SLC28A1: variants seen among roughly 807,000 people sequenced by gnomAD.
SLC28A1 encodes the protein solute carrier family 28 member 1.
A neutral mutation model predicts 74.8 loss-of-function variants in SLC28A1; 64 were observed. That is an observed-to-expected ratio of 0.86 (90% CI 0.70 to 1.05). The LOEUF (loss-of-function observed/expected upper bound fraction) is 1.05. Ranked by LOEUF, SLC28A1 falls within the 50% of genes least tolerant of loss-of-function variation. The pLI is 0.00. For synonymous variants in SLC28A1, 359 were observed against 335.0 expected, an observed-to-expected ratio of 1.07 and a Z score of -0.78; for missense variants, 828 against 822.8, an observed-to-expected ratio of 1.01 and a Z score of -0.08.
rs1239458976 is a variant in SLC28A1 at position 84,936,095 on chromosome 15, A to G, written c.1581+577A>G. On this transcript the variant is annotated intron_variant, in intron 15 of 18. Transcript: ENST00000394573. Reference sequence around the variant, plus strand: ...TCAGCCTCTCCAAGTAGCTGGGACTACAGGCGCCCACCACCGCGCCCGGCT... The same window carrying G: ...TCAGCCTCTCCAAGTAGCTGGGACTGCAGGCGCCCACCACCGCGCCCGGCT... Among the ~76,000 whole-genome samples the G allele has an allele frequency of 2.0e-5, 3 of 149,070 alleles. No individual in the cohort carries two copies. The East Asian group carries it at 5.9e-4, about 29-fold the overall frequency.
chr15:84,969,377 C>T, the SLC28A1 span, among the ~76,000 whole-genome samples: 1,243 of 152,334 alleles, frequency 8.2e-3, 18 homozygotes, highest in African/African-American at 0.028. Flanking sequence ...AGCCTTCACG[C>T]TGAAGAAGGA....
At chr15:84,930,568 C>G (rs1481924721) in intron 12 of SLC28A1, among the ~76,000 whole-genome samples, 1 of 151,396 alleles carries the variant, frequency 6.6e-6, no homozygotes, top group Non-Finnish European at 1.5e-5. Context: ...GCAGGCCTGG[C>G]ACTTCCCTGA....
chr15:84,955,616 C>T, the SLC28A1 span, among the ~76,000 whole-genome samples: 1 of 152,192 alleles, frequency 6.6e-6, no homozygotes, highest in African/African-American at 2.4e-5. Context: ...CTGACCCCAC[C>T]CCAGCTGGGA....
At chr15:84,884,964 C>CT (rs1964409975) in intron 1 of SLC28A1, among the ~76,000 whole-genome samples, 1 of 152,064 alleles carries the variant, frequency 6.6e-6, no homozygotes, top group South Asian at 2.1e-4. Context: ...GTTTTTGTTT[C>CT]TTTTCTGTTT....
chr15:84,903,411 G>C (rs1300789868), intron 6 of SLC28A1, among the ~76,000 whole-genome samples: 2 of 152,190 alleles, frequency 1.3e-5, no homozygotes, highest in African/African-American at 4.8e-5. Flanking sequence ...ATAGTACCTG[G>C]CATATAATAG....
chr15:84,967,601 T>C, the SLC28A1 span, among the ~76,000 whole-genome samples: 2 of 152,220 alleles, frequency 1.3e-5, no homozygotes, highest in Non-Finnish European at 2.9e-5. Flanking sequence ...TAGAAAAAGT[T>C]GCATCAGCCT....
the SLC28A1 span, among the ~76,000 whole-genome samples, chr15:84,970,152 G>T: frequency 3.3e-5 from 5 of 152,188 alleles, no homozygotes; most frequent in African/African-American, 1.2e-4. Context: ...GCCATCCCCA[G>T]GTGCTAGCAG....
chr15:84,890,017 G>T (rs888841685), intron 4 of SLC28A1, among the ~76,000 whole-genome samples: 1 of 151,936 alleles, frequency 6.6e-6, no homozygotes, highest in African/African-American at 2.4e-5. Flanking sequence ...TGTGTTTTTG[G>T]TAGAGAAGGG....
intron 15 of SLC28A1, among the ~76,000 whole-genome samples, chr15:84,943,169 A>G (rs1972903639): frequency 6.6e-6 from 1 of 152,074 alleles, no homozygotes; most frequent in Non-Finnish European, 1.5e-5. Context: ...CTGGGTGACA[A>G]GAGTAAAACT....
chr15:84,961,629 C>A, the SLC28A1 span: 1 of 380,246 alleles, frequency 2.6e-6, no homozygotes, highest in Non-Finnish European at 5.2e-6. Context: ...GTATGAGCCA[C>A]TTTGCCTGGC....
chr15:84,898,988 C>T (rs1966313181), intron 6 of SLC28A1, among the ~76,000 whole-genome samples: 1 of 152,136 alleles, frequency 6.6e-6, no homozygotes, highest in African/African-American at 2.4e-5. Flanking sequence ...CTTGAACATG[C>T]AGTTGAGTTC....
At chr15:84,941,505 G>A (rs1316238681) in intron 15 of SLC28A1, among the ~76,000 whole-genome samples, 2 of 151,846 alleles carry the variant, frequency 1.3e-5, no homozygotes, top group African/African-American at 2.4e-5. Context: ...GCACCCGGCC[G>A]GGATTTGTTT....
At position 84,905,603 on chromosome 15, in the gene SLC28A1, G is replaced by A. The variant is rs1430107608; in HGVS notation, c.668G>A (p.Arg223Lys). 1.2e-6 allele frequency: 2 copies of A among 1,614,082 alleles called. No homozygotes were observed. The highest frequency in any genetic ancestry group is 2.7e-5 in the African/African-American group (2 of 74,924). The change falls in exon 8 of 19, where the codon AGA (arginine) becomes AAA (lysine). Residue 223 changes from arginine (R) to lysine (K), a missense_variant. By Grantham distance (26) the Arg-to-Lys change is conservative. Coordinates refer to ENST00000394573, the MANE Select transcript of SLC28A1 (RefSeq NM_004213.5). The part of the protein sequence containing the change: ...LQFVLGLLVI[R>K]TEPGFIAFEW... ...TTTGTACTTGGACTCCTCGTCATCA[G>A]AACAGAACCAGGATTCATTGCGTTC...
chr15:84,930,414 G>A (rs1971126487), intron 12 of SLC28A1, among the ~76,000 whole-genome samples: 1 of 152,182 alleles, frequency 6.6e-6, no homozygotes, highest in African/African-American at 2.4e-5. Flanking sequence ...CCCTGGGGAG[G>A]TATCAGGCTG....
At chr15:84,895,229 A>G (rs1266675349) in intron 6 of SLC28A1, 106 bp downstream of exon 6, 1 of 1,578,198 alleles carries the variant, frequency 6.3e-7, no homozygotes, top group South Asian at 1.1e-5. Flanking sequence ...GCTCTGTGTC[A>G]TGGAGAACTC....
intron 12 of SLC28A1, among the ~76,000 whole-genome samples, chr15:84,932,744 C>T (rs925647040): frequency 2.6e-5 from 4 of 152,168 alleles, no homozygotes; most frequent in East Asian, 3.9e-4. Context: ...CCTCAGCTAA[C>T]GGGGATTAGT....
chr15:84,946,110 A>ATTTTTTTTTTTTTTTTT (rs1382844934), downstream of SLC28A1, among the ~76,000 whole-genome samples: 1 of 9,598 alleles, frequency 1.0e-4, no homozygotes, highest in African/African-American at 3.0e-4. Context: ...ATATATATAT[A>ATTTTTTTTTTTTTTTTT]TATTTTTTTT....
the SLC28A1 span, among the ~76,000 whole-genome samples, chr15:84,966,758 A>T: frequency 6.6e-6 from 1 of 152,174 alleles, no homozygotes; most frequent in Non-Finnish European, 1.5e-5. Flanking sequence ...CTTATTCACT[A>T]TCACGAGAAC....
chr15:84,966,504 C>T, the SLC28A1 span, among the ~76,000 whole-genome samples: 1 of 152,030 alleles, frequency 6.6e-6, no homozygotes, highest in Non-Finnish European at 1.5e-5. Flanking sequence ...GTTGCCTAGG[C>T]TGGTCTTGAG....
Sources: allele counts gnomAD v4.1 joint callset (sites outside exome capture counted in the v4.1 genomes callset), GRCh38; gene constraint gnomAD v4.1.1; transcripts MANE v1.5; gene names NCBI Gene and HGNC (gene_info 2026-07-23, HGNC 2026-07-21).